The following UNC13C variants were observed in gnomAD, a reference collection of about 807,000 sequenced individuals.
UNC13C encodes the protein unc-13 homolog C.
A neutral mutation model predicts 245.4 loss-of-function variants in UNC13C; 174 were observed. The observed-to-expected ratio is 0.71, with a 90% CI of 0.63 to 0.80. UNC13C has a LOEUF of 0.80. Among genes scored for constraint, UNC13C ranks in the 30% least tolerant of loss-of-function variants. The pLI is 0.00. For synonymous variants in UNC13C, 992 were observed against 895.1 expected (o/e 1.11, Z -1.93); for missense variants, 2,829 against 2,602.9 (o/e 1.09, Z -1.89).
intron 30 of UNC13C, among the ~76,000 whole-genome samples, chr15:54,596,219 T>C (rs1421078488): frequency 6.6e-6 from 1 of 152,184 alleles, no homozygotes; most frequent in African/African-American, 2.4e-5. Context: ...TTTCATGGCA[T>C]ATAAATACGC....
At chr15:54,366,073 A>C (rs2039358298) in intron 17 of UNC13C, among the ~76,000 whole-genome samples, 1 of 152,132 alleles carries the variant, frequency 6.6e-6, no homozygotes, top group African/African-American at 2.4e-5. Context: ...GCTTGGATAT[A>C]TTATTTTATG....
the UNC13C span, among the ~76,000 whole-genome samples, chr15:53,927,949 A>G: frequency 6.6e-6 from 1 of 152,288 alleles, no homozygotes; most frequent in African/African-American, 2.4e-5. Flanking sequence ...TCTGCCAGCA[A>G]CTAGTTGAAA....
intron 2 of UNC13C, among the ~76,000 whole-genome samples, chr15:54,060,875 A>T (rs1897790509): frequency 1.3e-5 from 2 of 151,974 alleles, no homozygotes; most frequent in Non-Finnish European, 2.9e-5. Flanking sequence ...AGGACAAAAA[A>T]CCAAACACCG....
chr15:54,044,424 G>T, intron 2 of UNC13C: 1 of 336,454 alleles, frequency 3.0e-6, no homozygotes, highest in Non-Finnish European at 6.1e-6. Context: ...TATATTTAAA[G>T]TTTCCTTGGA....
intron 18 of UNC13C, among the ~76,000 whole-genome samples, chr15:54,410,585 C>T (rs931130107): frequency 6.6e-6 from 1 of 152,116 alleles, no homozygotes; most frequent in African/African-American, 2.4e-5. Context: ...ACGTGACTAG[C>T]CAGTTATCCC....
Position 54,238,589 on chromosome 15 carries a change from G to T in UNC13C, c.3228+899G>T, listed in dbSNP as rs529125603. On this transcript the variant is annotated intron_variant, in intron 7 of 32. Coordinates refer to ENST00000260323, the MANE Select transcript of UNC13C (RefSeq NM_001080534.3). ...ATGCTTAACATTCAGCATAGCTTAG[G>T]TTATAATAAGCAATACATACAAGCT... is the stretch of plus-strand genomic sequence containing the variant. 3.3e-5 allele frequency among the ~76,000 whole-genome samples: 5 copies of T among 152,238 alleles called. No individual in the cohort carries two copies. The South Asian group carries it at 1.0e-3, about 32-fold the overall frequency.
chr15:54,015,798 A>G lies in UNC13C; in HGVS notation c.2895A>G (p.Pro965=). The change falls in exon 2 of 33, where the codon CCA becomes CCG. Residue 965 remains proline (P), a synonymous_variant. Transcript: ENST00000260323. ...IPEQPVEITK[P]KRIRPSFKEA... ...AACAGCCAGTGGAGATCACAAAGCCAAAGAGAATTCGTCCTTCTTTCAAAG... is the reference window on the plus strand; with the variant it reads ...AACAGCCAGTGGAGATCACAAAGCCGAAGAGAATTCGTCCTTCTTTCAAAG... 1 of 1,612,074 alleles carries G rather than the reference A, an allele frequency of 6.2e-7. No homozygotes were observed. The highest frequency in any genetic ancestry group is 8.5e-7 in the Non-Finnish European group (1 of 1,178,908).
chr15:53,840,153 T>C, the UNC13C span, among the ~76,000 whole-genome samples: 1 of 152,126 alleles, frequency 6.6e-6, no homozygotes, highest in African/African-American at 2.4e-5. Context: ...TAGCAACTGA[T>C]AATATTATTT....
At chr15:54,121,822 A>T (rs1257770498) in intron 2 of UNC13C, among the ~76,000 whole-genome samples, 1 of 151,996 alleles carries the variant, frequency 6.6e-6, no homozygotes, top group Non-Finnish European at 1.5e-5. Context: ...TCTTTCAAAA[A>T]TGCTTTATAT....
At chr15:54,252,507 A>G (rs1012187583) in intron 8 of UNC13C, among the ~76,000 whole-genome samples, 8 of 152,124 alleles carry the variant, frequency 5.3e-5, no homozygotes, top group African/African-American at 1.9e-4. Context: ...CCTAAAATTG[A>G]CACTCTCATA....
At chr15:54,617,171 G>C (rs1900496313) in intron 30 of UNC13C, among the ~76,000 whole-genome samples, 1 of 151,956 alleles carries the variant, frequency 6.6e-6, no homozygotes, top group Non-Finnish European at 1.5e-5. Flanking sequence ...TGTGACTGTA[G>C]AGTTTAGTGA....
chr15:54,133,462 C>T (rs1237988410), intron 2 of UNC13C, among the ~76,000 whole-genome samples: 6 of 152,100 alleles, frequency 3.9e-5, no homozygotes, highest in Non-Finnish European at 8.8e-5. Flanking sequence ...AATTTGAAGA[C>T]ATTAAAATTG....
intron 4 of UNC13C, among the ~76,000 whole-genome samples, chr15:54,191,757 G>C (rs1301628044): frequency 6.6e-6 from 1 of 152,162 alleles, no homozygotes; most frequent in Admixed American, 6.5e-5. Context: ...ACTGGCATGA[G>C]ATGGTGTCTC....
chr15:54,585,209 T>C (rs149824719), intron 30 of UNC13C, among the ~76,000 whole-genome samples: 3 of 152,256 alleles, frequency 2.0e-5, no homozygotes, highest in African/African-American at 4.8e-5. Context: ...TGGCAGGTGT[T>C]TGGGTCACGG....
rs1355685633 is a variant in UNC13C at position 54,013,171 on chromosome 15, C to A, written c.268C>A (p.Pro90Thr). 1.2e-6 allele frequency: 2 copies of A among 1,613,846 alleles called. No homozygotes were observed. The highest frequency in any genetic ancestry group is 4.5e-5 in the East Asian group (2 of 44,874). ...GGCCAGTAAAGAGTTTTCCCTCTCA[C>A]CAACATTCAGTTACCGAGTAGCTAT... is the stretch of plus-strand genomic sequence containing the variant. ...DEASKEFSLS[P>T]TFSYRVAIAN... Residue 90 changes from proline (P) to threonine (T), a missense_variant, in exon 2 of 33, where the codon CCA becomes ACA. By Grantham distance (38) the Pro-to-Thr change is conservative (BLOSUM62 -1). Transcript: ENST00000260323.
chr15:54,227,079 A>G (rs2035407208), intron 4 of UNC13C, among the ~76,000 whole-genome samples: 2 of 152,136 alleles, frequency 1.3e-5, no homozygotes, highest in Non-Finnish European at 2.9e-5. Flanking sequence ...GAGGCACGCA[A>G]ACAGCTGGAG....
chr15:54,305,782 C>T (rs75469002), intron 13 of UNC13C, among the ~76,000 whole-genome samples: 9,481 of 152,066 alleles, frequency 0.062, 370 homozygotes, highest in Admixed American at 0.12. Flanking sequence ...AATAAGGATA[C>T]TTAACCATTT....
intron 30 of UNC13C, among the ~76,000 whole-genome samples, chr15:54,578,889 C>T (rs1898077367): frequency 6.6e-6 from 1 of 152,206 alleles, no homozygotes; most frequent in Non-Finnish European, 1.5e-5. Context: ...GACTACATGC[C>T]TGGCTCCTGG....
At chr15:53,940,548 G>T in the UNC13C span, among the ~76,000 whole-genome samples, 1 of 152,154 alleles carries the variant, frequency 6.6e-6, no homozygotes, top group African/African-American at 2.4e-5. Context: ...CAGGTGACAT[G>T]ATCCTCTATC....
Sources: gnomAD v4.1 joint callset for allele counts (sites outside exome capture counted in the v4.1 genomes callset) on GRCh38, gnomAD v4.1.1 for gene constraint, MANE v1.5 for transcripts, NCBI Gene and HGNC (gene_info 2026-07-23, HGNC 2026-07-21) for gene names.